Variants in UST observed in about 807,000 individuals in gnomAD.
UST encodes the protein chondroitin sulfate 2-O-sulfotransferase.
UST carries 21 observed loss-of-function variants against 45.6 expected under a neutral mutation model. The ratio of observed to expected loss-of-function variants is 0.46; its 90% CI spans 0.33 to 0.66. The LOEUF (loss-of-function observed/expected upper bound fraction) is 0.66. Ranked by LOEUF, UST falls within the 30% of genes least tolerant of loss-of-function variation. The pLI is 0.02. For synonymous variants in UST, 215 were observed against 200.6 expected (o/e 1.07, Z -0.61); for missense variants, 463 against 512.4 (o/e 0.90, Z 0.93).
chr6:148,893,344 C>T (rs1395947236), intron 2 of UST, among the ~76,000 whole-genome samples: 1 of 152,160 alleles, frequency 6.6e-6, no homozygotes, highest in Non-Finnish European at 1.5e-5. Context: ...GGCAGTGAAC[C>T]ATTGCTCAAT....
chr6:148,839,333 A>C (rs899874028), intron 1 of UST, among the ~76,000 whole-genome samples: 1 of 152,144 alleles, frequency 6.6e-6, no homozygotes, highest in African/African-American at 2.4e-5. Context: ...TAACTTTGAA[A>C]CCACCAGTTC....
intron 1 of UST, among the ~76,000 whole-genome samples, chr6:148,877,930 T>TG (rs140586056): frequency 0.069 from 1,129 of 16,386 alleles, 66 homozygotes; most frequent in African/African-American, 0.082. Flanking sequence ...TGTGTATGAG[T>TG]GGGGGGGTCG....
intron 5 of UST, among the ~76,000 whole-genome samples, chr6:148,989,602 A>G (rs1348590927): frequency 6.6e-6 from 1 of 152,204 alleles, no homozygotes; most frequent in African/African-American, 2.4e-5. Flanking sequence ...GCCAAAGGAG[A>G]TCATATAGGT....
At chr6:148,983,518 C>T (rs1781178635) in intron 5 of UST, among the ~76,000 whole-genome samples, 1 of 152,174 alleles carries the variant, frequency 6.6e-6, no homozygotes, top group African/African-American at 2.4e-5. Flanking sequence ...TAGAGGTTAT[C>T]TCATCTCAGC....
chr6:148,776,976 C>T (rs1269151354), intron 1 of UST, among the ~76,000 whole-genome samples: 1 of 152,132 alleles, frequency 6.6e-6, no homozygotes, highest in African/African-American at 2.4e-5. Flanking sequence ...AGTGGCTGGT[C>T]GTAGCAGCTC....
intron 5 of UST, among the ~76,000 whole-genome samples, chr6:148,975,275 G>A (rs1040328366): frequency 6.6e-6 from 1 of 152,106 alleles, no homozygotes; most frequent in Non-Finnish European, 1.5e-5. Context: ...TAAGTCTTAT[G>A]TTTTGAACTA....
chr6:148,754,158 CTAA>C (rs1776046238), intron 1 of UST, among the ~76,000 whole-genome samples: 1 of 151,926 alleles, frequency 6.6e-6, no homozygotes, highest in Non-Finnish European at 1.5e-5. Context: ...CCATGCCTGG[CTAA>C]TTTTTTTGTA....
chr6:148,773,053 A>T (rs562613697), intron 1 of UST, among the ~76,000 whole-genome samples: 7 of 152,254 alleles, frequency 4.6e-5, no homozygotes, highest in East Asian at 1.9e-4. Context: ...AAGGAATTTT[A>T]AAAAAAATTA....
chr6:149,043,724 C>T (rs1776359689), intron 7 of UST, among the ~76,000 whole-genome samples: 1 of 152,278 alleles, frequency 6.6e-6, no homozygotes, highest in Non-Finnish European at 1.5e-5. Flanking sequence ...GGATGTGGCG[C>T]TGGCACTCCA....
At chr6:149,007,266 C>T (rs1200544553) in intron 5 of UST, among the ~76,000 whole-genome samples, 2 of 148,936 alleles carry the variant, frequency 1.3e-5, no homozygotes, top group Non-Finnish European at 3.0e-5. Context: ...ATTACAGGTG[C>T]ACACCACCAC....
intron 1 of UST, among the ~76,000 whole-genome samples, chr6:148,813,805 A>G (rs1777306158): frequency 1.3e-5 from 2 of 152,348 alleles, no homozygotes; most frequent in South Asian, 4.1e-4. Flanking sequence ...AACCTGCTGT[A>G]GACCAGGATA....
intron 5 of UST, among the ~76,000 whole-genome samples, chr6:148,972,549 G>A (rs1187255448): frequency 6.6e-6 from 1 of 152,230 alleles, no homozygotes; most frequent in African/African-American, 2.4e-5. Flanking sequence ...GCCAAGGCAG[G>A]TTTGCCTGAC....
At chr6:148,967,030 G>A (rs1780817137) in intron 5 of UST, among the ~76,000 whole-genome samples, 1 of 152,182 alleles carries the variant, frequency 6.6e-6, no homozygotes. Flanking sequence ...GAGCCACCGT[G>A]CCCAGCCTGG....
chr6:149,076,192 T>A lies in UST; in HGVS notation c.*2076T>A, dbSNP rs1776886791. On this transcript the variant is annotated 3_prime_UTR_variant, in exon 8 of 8. Coordinates refer to ENST00000367463, the MANE Select transcript of UST (RefSeq NM_005715.3). Reference sequence around the variant, plus strand: ...CCAGGGCCCTACCATTAGGCATACTTTCAGAAGCAACCTGGAGAACAGCTA... The same window carrying A: ...CCAGGGCCCTACCATTAGGCATACTATCAGAAGCAACCTGGAGAACAGCTA... The A allele has an allele frequency of 6.6e-6, 1 of 152,176 alleles. No homozygotes were observed. The highest frequency in any genetic ancestry group is 2.4e-5 in the African/African-American group (1 of 41,424). 9.4% of individuals were successfully genotyped at this position (152,176 alleles called of 1,614,324 possible).
At chr6:148,978,649 A>G (rs770448778) in intron 5 of UST, among the ~76,000 whole-genome samples, 1 of 152,046 alleles carries the variant, frequency 6.6e-6, no homozygotes, top group South Asian at 2.1e-4. Flanking sequence ...AGGGAGGGGA[A>G]CATCACACAC....
At chr6:149,058,394 C>A (rs1042607673) in intron 7 of UST, among the ~76,000 whole-genome samples, 1 of 148,090 alleles carries the variant, frequency 6.8e-6, no homozygotes, top group Non-Finnish European at 1.5e-5. Flanking sequence ...TGTGTATGTG[C>A]GCGCGCGTGT....
At chr6:148,960,873 G>A (rs534127261) in intron 4 of UST, among the ~76,000 whole-genome samples, 1 of 152,258 alleles carries the variant, frequency 6.6e-6, no homozygotes, top group South Asian at 2.1e-4. Flanking sequence ...TATTACCTCA[G>A]GAAGAATGCC....
intron 1 of UST, among the ~76,000 whole-genome samples, chr6:148,870,186 C>A (rs956982457): frequency 6.6e-6 from 1 of 150,946 alleles, no homozygotes; most frequent in Non-Finnish European, 1.5e-5. Context: ...GCTGTGTATA[C>A]CACCCTGGAC....
chr6:148,976,768 A>T (rs891925832), intron 5 of UST, among the ~76,000 whole-genome samples: 21 of 152,206 alleles, frequency 1.4e-4, no homozygotes, highest in Admixed American at 2.6e-4. Flanking sequence ...AAATTTGCCC[A>T]CTATTTTTGA....
Sources: allele counts gnomAD v4.1 joint callset (sites outside exome capture counted in the v4.1 genomes callset), GRCh38; gene constraint gnomAD v4.1.1; transcripts MANE v1.5; gene names NCBI Gene and HGNC (gene_info 2026-07-23, HGNC 2026-07-21).